Variants in CNTN5 observed in about 807,000 individuals in gnomAD.
CNTN5 encodes contactin-5.
In CNTN5, 77 loss-of-function variants were observed where a neutral mutation model predicts 129.1. That is an observed-to-expected ratio of 0.60 (90% CI 0.50 to 0.72). CNTN5 has a LOEUF of 0.72. Ranked by LOEUF, CNTN5 falls within the 30% of genes least tolerant of loss-of-function variation. The probability of loss-of-function intolerance (pLI) is 0.00; values close to 1 mark genes in which losing one functional copy is unlikely to be tolerated. For missense variants in CNTN5, 1,478 were observed against 1,328.8 expected (o/e 1.11, Z -1.75); for synonymous variants, 509 against 465.6 (o/e 1.09, Z -1.20).
At chr11:100,308,290 A>G in intron 20 of CNTN5, 69 bp from the exon 21 acceptor site, 1 of 1,400,550 alleles carries the variant, frequency 7.1e-7, no homozygotes. Flanking sequence ...TTAACACCTG[A>G]CAGACTCAGG....
chr11:99,412,660 C>A (rs546561892), intron 2 of CNTN5, among the ~76,000 whole-genome samples: 1 of 152,084 alleles, frequency 6.6e-6, no homozygotes, highest in East Asian at 1.9e-4. Context: ...AAGGAAACAG[C>A]CTTGAAGAAA....
At chr11:99,490,413 G>A (rs775104746) in intron 2 of CNTN5, among the ~76,000 whole-genome samples, 1 of 152,148 alleles carries the variant, frequency 6.6e-6, no homozygotes. Context: ...TGACCATAAA[G>A]TCCATACATA....
In CNTN5 at chr11:99,592,446, C is replaced by T. The variant is rs142054978; in HGVS notation, c.55+36177C>T. Among the ~76,000 whole-genome samples, 377 of 152,200 alleles carry T rather than the reference C, an allele frequency of 2.5e-3. 4 individuals are homozygous for T. Among genetic ancestry groups the T allele is most frequent in the African/African-American group, 8.3e-3 (344 of 41,516 alleles). Reference sequence around the variant, plus strand: ...AGAAATGATCTAAACATGAGGAAGACGTCAGCATATCAAATGCTGCAATGA... The same window carrying T: ...AGAAATGATCTAAACATGAGGAAGATGTCAGCATATCAAATGCTGCAATGA... On this transcript the variant is annotated intron_variant, in intron 3 of 24. Coordinates refer to ENST00000524871, the MANE Select transcript of CNTN5 (RefSeq NM_014361.4).
At chr11:99,956,770 A>G in intron 7 of CNTN5, 36 bp from the exon 8 acceptor site, 2 of 1,531,454 alleles carry the variant, frequency 1.3e-6, no homozygotes, top group Non-Finnish European at 1.8e-6. Flanking sequence ...TGAAAAAATC[A>G]AAGTCTTTCG....
chr11:100,224,140 G>A (rs1407655959), intron 15 of CNTN5, among the ~76,000 whole-genome samples: 2 of 152,124 alleles, frequency 1.3e-5, no homozygotes, highest in Admixed American at 1.3e-4. Flanking sequence ...GATGGTAGTG[G>A]TTATGGGAGG....
At chr11:100,252,882 G>T (rs543721154) in intron 16 of CNTN5, among the ~76,000 whole-genome samples, 22 of 152,236 alleles carry the variant, frequency 1.4e-4, no homozygotes, top group Admixed American at 7.9e-4. Context: ...CAGGAAACCT[G>T]TGGTAAAGAT....
chr11:99,549,672 GA>G (rs1255010766), intron 2 of CNTN5, among the ~76,000 whole-genome samples: 6 of 151,982 alleles, frequency 3.9e-5, no homozygotes, highest in Non-Finnish European at 5.9e-5. Context: ...TGCCAGAAAG[GA>G]AATCTACTGC....
chr11:100,246,244 A>G (rs1949837599), intron 16 of CNTN5, among the ~76,000 whole-genome samples: 1 of 152,120 alleles, frequency 6.6e-6, no homozygotes, highest in Non-Finnish European at 1.5e-5. Context: ...ACATCACCCT[A>G]TGTATTTTTC....
At chr11:99,062,359 G>A (rs955446813) in intron 1 of CNTN5, among the ~76,000 whole-genome samples, 5 of 152,084 alleles carry the variant, frequency 3.3e-5, no homozygotes, top group Non-Finnish European at 5.9e-5. Flanking sequence ...CGGCCTACCT[G>A]GGCAAGGGAT....
chr11:100,180,393 G>GTGAT (rs1046284893), intron 13 of CNTN5, among the ~76,000 whole-genome samples: 3 of 151,918 alleles, frequency 2.0e-5, no homozygotes, highest in Admixed American at 2.0e-4. Flanking sequence ...TGGTGCTAGA[G>GTGAT]TGATTTAATA....
At chr11:99,716,553 C>G (rs567031898) in intron 3 of CNTN5, among the ~76,000 whole-genome samples, 1 of 152,108 alleles carries the variant, frequency 6.6e-6, no homozygotes, top group East Asian at 2.0e-4. Context: ...CTTAACACAT[C>G]CTGCCTAGTC....
chr11:99,197,138 A>G (rs1858941685), intron 1 of CNTN5, among the ~76,000 whole-genome samples: 1 of 152,012 alleles, frequency 6.6e-6, no homozygotes, highest in Admixed American at 6.6e-5. Context: ...AATATTTTAC[A>G]AATTGGACAC....
At chr11:99,530,816 T>G (rs1947673725) in intron 2 of CNTN5, among the ~76,000 whole-genome samples, 1 of 152,220 alleles carries the variant, frequency 6.6e-6, no homozygotes. Context: ...GTGTAAGAAG[T>G]GCCTTTAGCC....
At chr11:99,813,457 G>T (rs1432736240) in intron 3 of CNTN5, among the ~76,000 whole-genome samples, 1 of 152,142 alleles carries the variant, frequency 6.6e-6, no homozygotes, top group African/African-American at 2.4e-5. Context: ...GTTAGGATCT[G>T]AAGCAAAACC....
intron 3 of CNTN5, among the ~76,000 whole-genome samples, chr11:99,625,776 GAT>G (rs6144473): frequency 0.61 from 92,464 of 151,362 alleles, 29,105 homozygotes; most frequent in Admixed American, 0.74. Context: ...CAATTAAAAA[GAT>G]ATTGATTGAG....
chr11:99,988,310 G>GT (rs923627334), intron 8 of CNTN5, among the ~76,000 whole-genome samples: 7 of 152,252 alleles, frequency 4.6e-5, no homozygotes, highest in African/African-American at 9.6e-5. Context: ...CATTTGTCAC[G>GT]TTTTTTGCCC....
chr11:99,367,413 A>C (rs1939520937), intron 2 of CNTN5, among the ~76,000 whole-genome samples: 1 of 152,154 alleles, frequency 6.6e-6, no homozygotes, highest in South Asian at 2.1e-4. Context: ...GATTCTATGA[A>C]TGTGAAAGGA....
At chr11:99,041,862 A>G (rs1230955865) in intron 1 of CNTN5, among the ~76,000 whole-genome samples, 3 of 152,188 alleles carry the variant, frequency 2.0e-5, no homozygotes, top group African/African-American at 7.2e-5. Flanking sequence ...TGGCCATGGC[A>G]CTAGCCTAAT....
intron 4 of CNTN5, among the ~76,000 whole-genome samples, chr11:99,841,888 A>C (rs1402790045): frequency 1.1e-5 from 1 of 90,668 alleles, no homozygotes; most frequent in Non-Finnish European, 2.2e-5. Flanking sequence ...ACATATACAT[A>C]TATATATATT....
Sources: gnomAD v4.1 joint callset for allele counts (sites outside exome capture counted in the v4.1 genomes callset) on GRCh38, gnomAD v4.1.1 for gene constraint, MANE v1.5 for transcripts, NCBI Gene and HGNC (gene_info 2026-07-23, HGNC 2026-07-21) for gene names.